The following USH2A variants were observed in gnomAD, a reference collection of about 807,000 sequenced individuals.
The protein encoded by USH2A is Usher syndrome 2A (autosomal recessive, mild).
USH2A carries 443 observed loss-of-function variants against 538.9 expected under a neutral mutation model. That is an observed-to-expected ratio of 0.82 (90% CI 0.76 to 0.89). USH2A has a LOEUF of 0.89. Among genes scored for constraint, USH2A ranks in the 40% least tolerant of loss-of-function variants. The pLI is 0.00. For synonymous variants in USH2A, 2,413 were observed against 2,273.5 expected (o/e 1.06, Z -1.75); for missense variants, 6,633 against 6,324.8 (o/e 1.05, Z -1.65).
chr1:215,781,456 T>C (rs942766985), intron 54 of USH2A, among the ~76,000 whole-genome samples: 1 of 152,196 alleles, frequency 6.6e-6, no homozygotes, highest in Non-Finnish European at 1.5e-5. Flanking sequence ...TCCGTGACTC[T>C]TTCCTTTTAT....
At chr1:215,679,354 C>A (rs1456151164) in intron 62 of USH2A, among the ~76,000 whole-genome samples, 1 of 152,144 alleles carries the variant, frequency 6.6e-6, no homozygotes, top group Non-Finnish European at 1.5e-5. Flanking sequence ...GTGTCTATAG[C>A]AGCTGCAGGC....
intron 26 of USH2A, chr1:216,080,135 T>A (rs2031890663): frequency 1.3e-5 from 2 of 152,066 alleles, no homozygotes; most frequent in South Asian, 4.1e-4. Context: ...ATACACAGTT[T>A]GGGGATGGCC....
chr1:215,802,646 T>C (rs547557153), intron 49 of USH2A, among the ~76,000 whole-genome samples: 1 of 152,136 alleles, frequency 6.6e-6, no homozygotes, highest in East Asian at 1.9e-4. Context: ...GGCACACTTA[T>C]GCGTTGTTGG....
Position 215,623,405 on chromosome 1 carries a change from A to T in USH2A, c.*2376T>A, listed in dbSNP as rs1655874201. ...TTGTGGAACATCAGTGGGTCTCAACATTAGAACACCTGGAAGCTTTAAAAA... is the reference window on the plus strand; with the variant it reads ...TTGTGGAACATCAGTGGGTCTCAACTTTAGAACACCTGGAAGCTTTAAAAA... On this transcript the variant is annotated 3_prime_UTR_variant, in exon 72 of 72. Transcript: ENST00000307340. 1 of 152,070 alleles carries T rather than the reference A, an allele frequency of 6.6e-6. No individual in the cohort carries two copies. Among genetic ancestry groups the T allele is most frequent in the African/African-American group, 2.4e-5 (1 of 41,430 alleles). 9.4% of individuals were successfully genotyped at this position (152,070 alleles called of 1,614,324 possible). A position where few individuals can be genotyped will look rare whatever the true frequency, so the allele number is the denominator to read the frequency against.
Position 216,257,508 on chromosome 1 carries a change from C to T in USH2A, c.1972-6410G>A, listed in dbSNP as rs140812101. ...CTTTGAGCAATTCAATTATAATATG[C>T]CTTTTGTGATTTCCTTCATGTTACT... is the stretch of plus-strand genomic sequence containing the variant. On this transcript the variant is annotated intron_variant, in intron 11 of 71. Coordinates refer to ENST00000307340, the MANE Select transcript of USH2A (RefSeq NM_206933.4). 4.6e-5 allele frequency among the ~76,000 whole-genome samples: 7 copies of T among 151,768 alleles called. No individual in the cohort carries two copies. The East Asian group carries it at 9.7e-4, about 21-fold the overall frequency.
chr1:216,406,718 C>T (rs1001613485), intron 3 of USH2A, among the ~76,000 whole-genome samples: 2 of 152,050 alleles, frequency 1.3e-5, no homozygotes, highest in African/African-American at 4.8e-5. Flanking sequence ...CCATAGATTT[C>T]ATCTCATTTG....
chr1:216,337,078 A>G (rs2037988805), intron 4 of USH2A, among the ~76,000 whole-genome samples: 1 of 151,502 alleles, frequency 6.6e-6, no homozygotes, highest in African/African-American at 2.4e-5. Flanking sequence ...CAACAAAGAA[A>G]TGTCCAGAAA....
intron 3 of USH2A, among the ~76,000 whole-genome samples, chr1:216,367,528 G>A (rs1046611676): frequency 4.6e-5 from 7 of 152,110 alleles, no homozygotes; most frequent in Non-Finnish European, 1.0e-4. Context: ...AAGAGTTCAG[G>A]ACCTTCTTTT....
At chr1:216,336,437 A>G (rs1452039400) in intron 4 of USH2A, among the ~76,000 whole-genome samples, 1 of 151,312 alleles carries the variant, frequency 6.6e-6, no homozygotes, top group Non-Finnish European at 1.5e-5. Context: ...AAATCTTTCC[A>G]TATTGAAAAA....
intron 64 of USH2A, among the ~76,000 whole-genome samples, chr1:215,663,434 A>G (rs1657505667): frequency 6.6e-6 from 1 of 152,164 alleles, no homozygotes; most frequent in Non-Finnish European, 1.5e-5. Context: ...CATTTGGAAA[A>G]CAGGAAGGGT....
At chr1:215,682,209 C>CA (rs1658256262) in intron 61 of USH2A, among the ~76,000 whole-genome samples, 1 of 151,898 alleles carries the variant, frequency 6.6e-6, no homozygotes. Flanking sequence ...TAATAGATGC[C>CA]AAAAAAGCAT....
chr1:215,692,389 T>C (rs911237941), intron 61 of USH2A, among the ~76,000 whole-genome samples: 1 of 152,232 alleles, frequency 6.6e-6, no homozygotes, highest in African/African-American at 2.4e-5. Context: ...TATTTTTATA[T>C]TGATGGCAAT....
chr1:215,929,440 C>T (rs1482282245), intron 38 of USH2A, among the ~76,000 whole-genome samples: 2 of 151,996 alleles, frequency 1.3e-5, no homozygotes, highest in African/African-American at 4.8e-5. Context: ...AGCAGGGTTA[C>T]TGGCCTGGCC....
At chr1:216,269,807 C>T (rs1295644533) in intron 11 of USH2A, among the ~76,000 whole-genome samples, 1 of 152,092 alleles carries the variant, frequency 6.6e-6, no homozygotes, top group Admixed American at 6.6e-5. Flanking sequence ...GGCTCTGGAG[C>T]AATGGTGGAT....
intron 43 of USH2A, among the ~76,000 whole-genome samples, chr1:215,874,782 T>A (rs1162401216): frequency 2.6e-5 from 4 of 152,216 alleles, no homozygotes; most frequent in African/African-American, 9.7e-5. Flanking sequence ...CTTTTATTTA[T>A]GCAGACGTTA....
chr1:216,000,770 C>G (rs996079791), intron 32 of USH2A, among the ~76,000 whole-genome samples: 13 of 152,138 alleles, frequency 8.5e-5, no homozygotes, highest in African/African-American at 2.9e-4. Context: ...AAGTGTCAAT[C>G]AAACTCTTGT....
chr1:216,075,501 C>G (rs1292413143), intron 27 of USH2A, among the ~76,000 whole-genome samples: 2 of 152,170 alleles, frequency 1.3e-5, no homozygotes, highest in Admixed American at 1.3e-4. Context: ...CCTCTAAATG[C>G]CTAAAAGGCG....
rs959492251 is a variant in USH2A, at chr1:216,130,915, A to T, written c.4628-33702T>A. On this transcript the variant is annotated intron_variant, in intron 21 of 71. Coordinates refer to ENST00000307340, the MANE Select transcript of USH2A (RefSeq NM_206933.4). ...TTCCATAGTGGTTGTACTAGTTTAC[A>T]TTCTCACTAGCGGTGAAGAAATGCT... Among the ~76,000 whole-genome samples the T allele has an allele frequency of 5.9e-5, 9 of 152,072 alleles. No homozygotes were observed. The East Asian group carries it at 1.7e-3, about 29-fold the overall frequency.
In USH2A at chr1:215,743,656, G is replaced by A. The variant is rs987563783; in HGVS notation, c.11390-321C>T. 2.0e-5 allele frequency among the ~76,000 whole-genome samples: 3 copies of A among 150,756 alleles called. No individual in the cohort carries two copies. In the Admixed American group the frequency reaches 2.0e-4, roughly 10 times the overall value. The stretch of plus-strand genomic sequence containing the variant: ...ATCCTGGCCAACATGGTGAAACCCT[G>A]TAAAAATACAGAAATTAGCCGGGCA... On this transcript the variant is annotated intron_variant, in intron 58 of 71. Coordinates refer to ENST00000307340, the MANE Select transcript of USH2A (RefSeq NM_206933.4).
Sources: gnomAD v4.1 joint callset for allele counts (sites outside exome capture counted in the v4.1 genomes callset) on GRCh38, gnomAD v4.1.1 for gene constraint, MANE v1.5 for transcripts, NCBI Gene and HGNC (gene_info 2026-07-23, HGNC 2026-07-21) for gene names.